Variants in TTLL11 observed in about 807,000 individuals in gnomAD.
TTLL11 encodes the protein tubulin tyrosine ligase like 11.
TTLL11 carries 42 observed loss-of-function variants against 51.7 expected under a neutral mutation model. That is an observed-to-expected ratio of 0.81 (90% CI 0.64 to 1.05). The LOEUF (loss-of-function observed/expected upper bound fraction) is 1.05, where lower values mean the gene tolerates loss of function less well. TTLL11 is among the 50% of genes least tolerant of loss of function. The pLI, the probability that TTLL11 is intolerant of heterozygous loss-of-function variation, is 0.00. For synonymous variants in TTLL11, 381 were observed against 383.5 expected, an observed-to-expected ratio of 0.99 and a Z score of 0.08; for missense variants, 799 against 940.4, an observed-to-expected ratio of 0.85 and a Z score of 1.97.
chr9:122,033,760 T>G (rs1427472055), intron 2 of TTLL11, among the ~76,000 whole-genome samples: 4 of 152,180 alleles, frequency 2.6e-5, no homozygotes, highest in Non-Finnish European at 4.4e-5. Context: ...TGCCCAGGTC[T>G]TAGTTGTTGT....
intron 8 of TTLL11, among the ~76,000 whole-genome samples, chr9:121,828,411 C>A (rs1314940208): frequency 1.3e-5 from 2 of 152,054 alleles, no homozygotes; most frequent in African/African-American, 2.4e-5. Flanking sequence ...CTGACCTCAA[C>A]TGATCCGCCC....
At position 121,816,490 on chromosome 9, in the gene TTLL11, AC is replaced by A. The variant is rs1836408444; in HGVS notation, c.*6096del. The A allele has an allele frequency of 6.6e-6, 1 of 152,226 alleles. No homozygotes were observed. The highest frequency in any genetic ancestry group is 1.5e-5 in the Non-Finnish European group (1 of 68,060). 9.4% of individuals were successfully genotyped at this position (152,226 alleles called of 1,614,324 possible). A position where few individuals can be genotyped will look rare whatever the true frequency, so the allele number is the denominator to read the frequency against. On this transcript the variant is annotated 3_prime_UTR_variant, in exon 9 of 9. Coordinates refer to ENST00000321582, the MANE Select transcript of TTLL11 (RefSeq NM_001139442.2). ...AAGCCAATCACCAGAAATGAGAAAA[AC>A]ATCGTAATTTTGCCATTTTCTACCA...
Position 121,860,396 on chromosome 9 carries a change from A to T in TTLL11, c.1781T>A (p.Ile594Asn). ...CCTCCGTGTGATGTCAATGTAGAGG[A>T]TGTCCACGGCAGCCATGGACAGGCT... is the stretch of plus-strand genomic sequence containing the variant. ...SSSLSMAAVD[I>N]LYIDITRRWN... Residue 594 changes from isoleucine (I) to asparagine (N), a missense_variant, in exon 8 of 9, where the codon ATC (isoleucine) becomes AAC (asparagine). This residue lies in a region of TTLL11 where 165 missense variants were observed against 166.1 expected (regional missense o/e 0.99). Coordinates refer to ENST00000321582, the MANE Select transcript of TTLL11 (RefSeq NM_001139442.2). 6.4e-7 allele frequency: 1 copy of T among 1,551,466 alleles called. No individual in the cohort carries two copies. The highest frequency in any genetic ancestry group is 8.7e-7 in the Non-Finnish European group (1 of 1,146,960).
chr9:122,008,913 A>C (rs1274277576), intron 3 of TTLL11, among the ~76,000 whole-genome samples: 2 of 152,256 alleles, frequency 1.3e-5, no homozygotes, highest in Non-Finnish European at 2.9e-5. Context: ...AACCTGAAGG[A>C]CGTTAAGCGA....
At chr9:121,845,364 AAGGGATCTGTTGC>A (rs1564269797) in intron 8 of TTLL11, among the ~76,000 whole-genome samples, 3 of 152,206 alleles carry the variant, frequency 2.0e-5, no homozygotes, top group Non-Finnish European at 4.4e-5. Flanking sequence ...ACAAAAACTG[AAGGGATCTGTTGC>A]CAATAGACTT....
chr9:121,965,883 C>T (rs929527476), intron 6 of TTLL11, among the ~76,000 whole-genome samples: 7 of 152,212 alleles, frequency 4.6e-5, no homozygotes, highest in South Asian at 2.1e-4. Flanking sequence ...CTTGGTTGTA[C>T]GACAAGGCCC....
At chr9:121,895,965 TGTGGGTGTGTGTCTGTG>T (rs1483018781) in intron 6 of TTLL11, among the ~76,000 whole-genome samples, 2 of 106,438 alleles carry the variant, frequency 1.9e-5, no homozygotes, top group Non-Finnish European at 4.2e-5. Flanking sequence ...GGTGTGTGGG[TGTGGGTGTGTGTCTGTG>T]GTGGGTGTTT....
At chr9:121,957,261 C>A (rs905865900) in intron 6 of TTLL11, among the ~76,000 whole-genome samples, 8 of 152,290 alleles carry the variant, frequency 5.3e-5, no homozygotes, top group African/African-American at 1.9e-4. Flanking sequence ...AACAGCCTGC[C>A]CATAAAGGCC....
chr9:121,975,037 C>T, intron 4 of TTLL11, 58 bp from the exon 5 acceptor site: 1 of 1,247,924 alleles, frequency 8.0e-7, no homozygotes, highest in Non-Finnish European at 1.1e-6. Context: ...GTATTAGGGT[C>T]ATTAAGTTGA....
intron 8 of TTLL11, among the ~76,000 whole-genome samples, chr9:121,830,663 C>T (rs1429025107): frequency 6.6e-6 from 1 of 152,198 alleles, no homozygotes; most frequent in African/African-American, 2.4e-5. Context: ...AGAAACCGCA[C>T]AGCCCCAGAT....
At chr9:121,998,774 TC>T (rs764423017) in intron 3 of TTLL11, among the ~76,000 whole-genome samples, 2 of 152,146 alleles carry the variant, frequency 1.3e-5, no homozygotes, top group Non-Finnish European at 2.9e-5. Context: ...TGAGATCTAA[TC>T]CTACAAGACA....
At position 121,819,320 on chromosome 9, in the gene TTLL11, A is replaced by T. The variant is rs1836503671; in HGVS notation, c.*3267T>A. On this transcript the variant is annotated 3_prime_UTR_variant, in exon 9 of 9. Coordinates refer to ENST00000321582, the MANE Select transcript of TTLL11 (RefSeq NM_001139442.2). The stretch of plus-strand genomic sequence containing the variant: ...AAGGAAGGGAGCAGGCAGTGTCAGC[A>T]AGGCAGGAGCAAGGAGGCTGCCCCG... 6.6e-6 allele frequency: 1 copy of T among 152,468 alleles called. No individual in the cohort carries two copies. Among genetic ancestry groups the T allele is most frequent in the African/African-American group, 2.4e-5 (1 of 41,442 alleles). 9.4% of individuals were successfully genotyped at this position (152,468 alleles called of 1,614,324 possible). A position where few individuals can be genotyped will look rare whatever the true frequency, so the allele number is the denominator to read the frequency against.
At chr9:122,034,732 G>C (rs1287248596) in intron 2 of TTLL11, among the ~76,000 whole-genome samples, 1 of 152,214 alleles carries the variant, frequency 6.6e-6, no homozygotes, top group Admixed American at 6.5e-5. Context: ...GCGTAGCAGG[G>C]TTTCTAGCTG....
At chr9:121,976,543 G>C (rs1349175727) in intron 4 of TTLL11, among the ~76,000 whole-genome samples, 1 of 152,086 alleles carries the variant, frequency 6.6e-6, no homozygotes, top group East Asian at 1.9e-4. Context: ...AGAGAAAAAA[G>C]AAAAAGATAG....
At chr9:121,877,077 T>G (rs1021315085) in intron 6 of TTLL11, among the ~76,000 whole-genome samples, 2 of 152,206 alleles carry the variant, frequency 1.3e-5, no homozygotes, top group South Asian at 4.1e-4. Flanking sequence ...GCCCCGTGGC[T>G]TGGCAGGAGA....
At chr9:122,080,509 C>G (rs1470306354) in intron 1 of TTLL11, among the ~76,000 whole-genome samples, 1 of 151,024 alleles carries the variant, frequency 6.6e-6, no homozygotes, top group Non-Finnish European at 1.5e-5. Flanking sequence ...ATATGGAAAC[C>G]CCATCTCTAC....
chr9:121,990,673 C>G (rs1391805334), intron 3 of TTLL11, among the ~76,000 whole-genome samples: 1 of 152,180 alleles, frequency 6.6e-6, no homozygotes, highest in African/African-American at 2.4e-5. Context: ...AAACACAGAG[C>G]TGAGCTAGTG....
At chr9:121,934,764 C>A (rs1001565936) in intron 6 of TTLL11, among the ~76,000 whole-genome samples, 3 of 152,068 alleles carry the variant, frequency 2.0e-5, no homozygotes, top group African/African-American at 7.2e-5. Flanking sequence ...AGCCTACTTG[C>A]CATTTTATCA....
intron 8 of TTLL11, among the ~76,000 whole-genome samples, chr9:121,844,179 TCAC>T (rs1308181943): frequency 1.3e-5 from 2 of 152,100 alleles, no homozygotes; most frequent in Non-Finnish European, 2.9e-5. Flanking sequence ...CAGCACCTTA[TCAC>T]CACATCAGCA....
Sources: gnomAD v4.1 joint callset for allele counts (sites outside exome capture counted in the v4.1 genomes callset) on GRCh38, gnomAD v4.1.1 for gene constraint, gnomAD v4.1.1 regional missense constraint, MANE v1.5 for transcripts, NCBI Gene and HGNC (gene_info 2026-07-23, HGNC 2026-07-21) for gene names.